DAPP1: variants seen among roughly 807,000 people sequenced by gnomAD.
DAPP1 encodes dual adapter for phosphotyrosine and 3-phosphotyrosine and 3-phosphoinositide.
In DAPP1, 20 loss-of-function variants were observed where a neutral mutation model predicts 41.5. The observed-to-expected ratio is 0.48, with a 90% confidence interval of 0.34 to 0.70. The LOEUF is 0.70. Ranked by LOEUF, DAPP1 falls within the 30% of genes least tolerant of loss-of-function variation. The probability of loss-of-function intolerance (pLI) is 0.01; values close to 1 mark genes in which losing one functional copy is unlikely to be tolerated. For synonymous variants in DAPP1, 113 were observed against 116.2 expected (o/e 0.97, Z 0.18); for missense variants, 233 against 333.4 (o/e 0.70, Z 2.35).
At chr4:99,819,065 T>A (rs1722683565) in intron 1 of DAPP1, among the ~76,000 whole-genome samples, 1 of 152,224 alleles carries the variant, frequency 6.6e-6, no homozygotes, top group South Asian at 2.1e-4. Context: ...TAATAAATGT[T>A]GATATTTTGT....
intron 8 of DAPP1, among the ~76,000 whole-genome samples, chr4:99,866,841 C>T (rs1724480906): frequency 7.0e-6 from 1 of 142,916 alleles, no homozygotes; most frequent in East Asian, 2.0e-4. Flanking sequence ...GTGATCTTGG[C>T]TCAGTGCAAC....
intron 8 of DAPP1, 103 bp downstream of exon 8, chr4:99,866,224 A>G: frequency 1.5e-6 from 1 of 680,230 alleles, no homozygotes; most frequent in Admixed American, 2.4e-5. Flanking sequence ...CAAGAATCAA[A>G]GAGATGTCTG....
Position 99,868,673 on chromosome 4 carries a change from T to G in DAPP1, c.*488T>G, listed in dbSNP as rs1286996512. ...CATCAAATATTTTCAGGGGAGAGGT[T>G]TTTTTTTTTAATTTTTCCCCCTTTA... On this transcript the variant is annotated 3_prime_UTR_variant, in exon 9 of 9. Transcript: ENST00000512369. The G allele has an allele frequency of 6.7e-6, 1 of 149,692 alleles. No individual in the cohort carries two copies. Among genetic ancestry groups the G allele is most frequent in the Non-Finnish European group, 1.5e-5 (1 of 67,278 alleles). The allele number at this position is 149,692 out of a possible 1,614,324, so 9.3% of individuals were successfully genotyped here. A position where few individuals can be genotyped will look rare whatever the true frequency, so the allele number is the denominator to read the frequency against.
intron 3 of DAPP1, among the ~76,000 whole-genome samples, chr4:99,843,914 A>G (rs981286320): frequency 2.0e-5 from 3 of 152,210 alleles, no homozygotes; most frequent in African/African-American, 7.2e-5. Context: ...AGTTTTTTGC[A>G]TGGCAACATC....
At chr4:99,839,189 A>G (rs1020783929) in intron 2 of DAPP1, among the ~76,000 whole-genome samples, 59 of 141,676 alleles carry the variant, frequency 4.2e-4, no homozygotes, top group African/African-American at 1.6e-3. Flanking sequence ...CCGAATCTCA[A>G]TCTGCAGGGG....
chr4:99,817,306 T>A (rs1242406895), intron 1 of DAPP1, among the ~76,000 whole-genome samples: 2 of 152,186 alleles, frequency 1.3e-5, no homozygotes, highest in Non-Finnish European at 2.9e-5. Flanking sequence ...AGAATTGGGA[T>A]ATAGAGGTGA....
At chr4:99,860,323 A>AT (rs1724195019) in intron 4 of DAPP1, among the ~76,000 whole-genome samples, 1 of 152,198 alleles carries the variant, frequency 6.6e-6, no homozygotes, top group African/African-American at 2.4e-5. Context: ...TTAGTAAATA[A>AT]TTCTATCAGG....
intron 3 of DAPP1, among the ~76,000 whole-genome samples, chr4:99,847,595 C>G (rs1434644871): frequency 6.6e-6 from 1 of 152,086 alleles, no homozygotes; most frequent in Non-Finnish European, 1.5e-5. Flanking sequence ...GCCAAGTTTC[C>G]AAGGCCTGTG....
chr4:99,829,491 A>AT (rs1560689713), intron 1 of DAPP1, among the ~76,000 whole-genome samples: 1 of 152,100 alleles, frequency 6.6e-6, no homozygotes, highest in Non-Finnish European at 1.5e-5. Context: ...AAAAAAAAAA[A>AT]GAAAGTTTTT....
At chr4:99,864,850 C>T (rs554266397) in intron 7 of DAPP1, 1 of 152,234 alleles carries the variant, frequency 6.6e-6, no homozygotes, top group East Asian at 1.9e-4. Context: ...ATCAGGAAAA[C>T]CAATGTTTCT....
chr4:99,827,127 G>C (rs1271159823), intron 1 of DAPP1, among the ~76,000 whole-genome samples: 1 of 152,118 alleles, frequency 6.6e-6, no homozygotes, highest in Non-Finnish European at 1.5e-5. Flanking sequence ...CAATCACGTG[G>C]GACTTAGCAG....
At position 99,831,601 on chromosome 4, in the gene DAPP1, C is replaced by T. The variant is rs563579156; in HGVS notation, c.102-4022C>T. Among the ~76,000 whole-genome samples the T allele has an allele frequency of 2.0e-5, 3 of 152,290 alleles. No individual in the cohort carries two copies. The South Asian group carries it at 6.2e-4, about 32-fold the overall frequency. On this transcript the variant is annotated intron_variant, in intron 1 of 8. Coordinates refer to ENST00000512369, the MANE Select transcript of DAPP1 (RefSeq NM_014395.3). ...TGAACACCCTTGTTCATATTTTCTT[C>T]TGCTCATGTATGGGTGTTTCACTAG...
intron 1 of DAPP1, among the ~76,000 whole-genome samples, chr4:99,833,246 G>C (rs996293142): frequency 3.3e-5 from 5 of 152,164 alleles, no homozygotes; most frequent in African/African-American, 2.4e-5. Context: ...ATTTGAACTT[G>C]TCTGGGAATC....
At chr4:99,823,437 T>G (rs1406014372) in intron 1 of DAPP1, among the ~76,000 whole-genome samples, 1 of 152,180 alleles carries the variant, frequency 6.6e-6, no homozygotes, top group Non-Finnish European at 1.5e-5. Context: ...TTCATCTTGA[T>G]TCTAGTTTTT....
intron 4 of DAPP1, 41 bp from the exon 5 acceptor site, chr4:99,861,537 T>A: frequency 6.4e-7 from 1 of 1,551,348 alleles, no homozygotes; most frequent in Non-Finnish European, 8.7e-7. Flanking sequence ...AACGTCCTGT[T>A]GTGACAGTTC....
At chr4:99,839,352 TATATATATAGATATATATAG>T (rs1190151207) in intron 2 of DAPP1, among the ~76,000 whole-genome samples, 3 of 142,138 alleles carry the variant, frequency 2.1e-5, no homozygotes, top group African/African-American at 8.0e-5. Context: ...GAGGCAGATA[TATATATATAGATATATATAG>T]ATATCTATAG....
intron 3 of DAPP1, among the ~76,000 whole-genome samples, chr4:99,850,666 C>T (rs1195076554): frequency 6.6e-6 from 1 of 152,056 alleles, no homozygotes. Flanking sequence ...TTGAGAGGCA[C>T]CAATTTAACT....
intron 2 of DAPP1, among the ~76,000 whole-genome samples, chr4:99,835,992 T>TG (rs1256226270): frequency 6.6e-6 from 1 of 152,182 alleles, no homozygotes; most frequent in East Asian, 1.9e-4. Flanking sequence ...ATGGGACTGT[T>TG]GAAGAATCTG....
intron 8 of DAPP1, 126 bp downstream of exon 8, chr4:99,866,247 C>G (rs747851518): frequency 2.1e-5 from 13 of 625,752 alleles, no homozygotes; most frequent in Non-Finnish European, 3.5e-5. Flanking sequence ...TGTCTACTTC[C>G]AGGCTTGCGG....
Sources: gnomAD v4.1 joint callset for allele counts (sites outside exome capture counted in the v4.1 genomes callset) on GRCh38, gnomAD v4.1.1 for gene constraint, MANE v1.5 for transcripts, NCBI Gene and HGNC (gene_info 2026-07-23, HGNC 2026-07-21) for gene names.